MICAL3: variants seen among roughly 807,000 people sequenced by gnomAD.
MICAL3 encodes microtubule associated monooxygenase, calponin and LIM domain containing 3, also known as [F-actin]-monooxygenase MICAL3.
A neutral mutation model predicts 207.4 loss-of-function variants in MICAL3; 62 were observed. That is an observed-to-expected ratio of 0.30 (90% CI 0.24 to 0.37). MICAL3 has a LOEUF of 0.37. Among genes scored for constraint, MICAL3 ranks in the 10% least tolerant of loss-of-function variants. The probability of loss-of-function intolerance (pLI) is 1.00; values close to 1 mark genes in which losing one functional copy is unlikely to be tolerated. For missense variants in MICAL3, 2,368 were observed against 2,635.6 expected, an observed-to-expected ratio of 0.90 and a Z score of 2.22; for synonymous variants, 1,077 against 1,069.3, an observed-to-expected ratio of 1.01 and a Z score of -0.14.
In MICAL3 at chr22:18,011,529, T is replaced by G. The variant is rs144551399; in HGVS notation, c.-75+12752A>C. On this transcript the variant is annotated intron_variant, in intron 1 of 31. Coordinates refer to ENST00000441493, the MANE Select transcript of MICAL3 (RefSeq NM_015241.3). ...CTTGCAGTGAGCCGAGATCACGCCA[T>G]TGCACTCCAGCCTGGGCAACAAGAG... Among the ~76,000 whole-genome samples, 1,343 of 148,384 alleles carry G rather than the reference T, an allele frequency of 9.1e-3. 16 individuals are homozygous for G. The highest frequency in any genetic ancestry group is 0.031 in the African/African-American group (1,233 of 40,130).
intron 1 of MICAL3, among the ~76,000 whole-genome samples, chr22:17,984,692 A>T (rs1465775452): frequency 1.3e-5 from 2 of 152,230 alleles, no homozygotes; most frequent in Non-Finnish European, 2.9e-5. Context: ...GAGGAGATGG[A>T]CAATAAAAGC....
intron 1 of MICAL3, chr22:18,004,563 T>A: frequency 6.6e-6 from 1 of 152,262 alleles, no homozygotes; most frequent in East Asian, 1.9e-4. Context: ...GCCCGGCCAA[T>A]ATACATTTCT....
rs1376645769 is a variant in MICAL3, at chr22:17,861,198, T to C, written c.2605+3701A>G. 7 of 985,354 alleles carry C rather than the reference T, an allele frequency of 7.1e-6. No homozygotes were observed. In the East Asian group the frequency reaches 7.9e-4, roughly 112 times the overall value. 61.0% of individuals were successfully genotyped at this position (985,354 alleles called of 1,614,324 possible). Reference sequence around the variant, plus strand: ...TGGGAACCCTAGGGTTGAATGAAATTCTACTGCCTGGCTACCCTTCTAGCT... The same window carrying C: ...TGGGAACCCTAGGGTTGAATGAAATCCTACTGCCTGGCTACCCTTCTAGCT... On this transcript the variant is annotated intron_variant, in intron 19 of 31. Transcript: ENST00000441493.
At chr22:17,891,942 C>T (rs537668731) in intron 11 of MICAL3, among the ~76,000 whole-genome samples, 28 of 152,298 alleles carry the variant, frequency 1.8e-4, no homozygotes, top group African/African-American at 5.1e-4. Flanking sequence ...GGTGGAGGAG[C>T]GCCACCTACT....
intron 1 of MICAL3, among the ~76,000 whole-genome samples, chr22:17,950,201 A>G (rs2146356295): frequency 6.7e-6 from 1 of 148,918 alleles, no homozygotes; most frequent in East Asian, 1.9e-4. Context: ...TCGCTCTGTT[A>G]CCCAGGCTGG....
chr22:17,998,485 A>C (rs568639536), intron 1 of MICAL3, among the ~76,000 whole-genome samples: 1 of 152,002 alleles, frequency 6.6e-6, no homozygotes, highest in East Asian at 1.9e-4. Flanking sequence ...GTCATGAAAA[A>C]GCTTTCACTT....
chr22:17,914,239 T>C (rs1472568342), intron 1 of MICAL3, among the ~76,000 whole-genome samples: 2 of 151,238 alleles, frequency 1.3e-5, no homozygotes, highest in African/African-American at 2.4e-5. Context: ...CTCCACTCCA[T>C]CTGTTCTAGA....
chr22:17,808,617 G>A (rs565733023), intron 29 of MICAL3, among the ~76,000 whole-genome samples: 4 of 152,322 alleles, frequency 2.6e-5, no homozygotes, highest in South Asian at 2.1e-4. Context: ...TCACTCTATG[G>A]GAAATGGCAG....
chr22:17,995,491 ATT>A (rs138357470), intron 1 of MICAL3, among the ~76,000 whole-genome samples: 1,779 of 77,510 alleles, frequency 0.023, 16 homozygotes, highest in African/African-American at 0.027. Context: ...CTTTTCTTTA[ATT>A]TTTTTTTTTT....
chr22:17,907,326 A>G (rs1931810743), intron 1 of MICAL3, among the ~76,000 whole-genome samples: 1 of 152,224 alleles, frequency 6.6e-6, no homozygotes, highest in African/African-American at 2.4e-5. Context: ...AAAGTGACAA[A>G]GACAGGCCTG....
chr22:17,791,407 G>A (rs981893807), intron 29 of MICAL3, 106 bp from the exon 30 acceptor site: 32 of 990,924 alleles, frequency 3.2e-5, no homozygotes, highest in South Asian at 2.4e-4. Context: ...AGATGCTGCC[G>A]GAACTTCCAC....
At chr22:17,953,425 C>G (rs1191625563) in intron 1 of MICAL3, among the ~76,000 whole-genome samples, 5 of 152,072 alleles carry the variant, frequency 3.3e-5, no homozygotes, top group African/African-American at 7.2e-5. Flanking sequence ...CCAGGAGAAC[C>G]CTTCCCTGGG....
At chr22:18,014,886 G>A (rs1430354021) in intron 1 of MICAL3, among the ~76,000 whole-genome samples, 1 of 151,986 alleles carries the variant, frequency 6.6e-6, no homozygotes, top group Admixed American at 6.6e-5. Context: ...CCAGCTACTC[G>A]GGAGGCTGAG....
At chr22:17,844,449 T>G (rs1246904693) in intron 19 of MICAL3, among the ~76,000 whole-genome samples, 4 of 152,244 alleles carry the variant, frequency 2.6e-5, no homozygotes, top group African/African-American at 7.2e-5. Flanking sequence ...TTTGAACGTC[T>G]TTGTGGCAGC....
At chr22:17,837,349 G>A (rs1044619574) in intron 20 of MICAL3, among the ~76,000 whole-genome samples, 1 of 152,234 alleles carries the variant, frequency 6.6e-6, no homozygotes, top group African/African-American at 2.4e-5. Context: ...CTGACAGACA[G>A]CAACGCCTGC....
At position 17,791,031 on chromosome 22, in the gene MICAL3, G is replaced by A; in HGVS notation, c.5791C>T (p.Gln1931Ter). Residue 1931 changes from glutamine to a stop codon, truncating the protein, a stop_gained, in exon 31 of 32, where the codon CAG becomes TAG. Transcript: ENST00000441493. LOFTEE classifies it high-confidence loss of function. ...LELEDRQSRL[Q>*]QELRERMAVE... ...GCCATGCGTTCCCGGAGCTCCTGCT[G>A]CAGTCGACTCTGCCGGTCTTCCAGC... The A allele has an allele frequency of 6.2e-7, 1 of 1,612,254 alleles. No individual in the cohort carries two copies. Among genetic ancestry groups the A allele is most frequent in the East Asian group, 2.2e-5 (1 of 44,858 alleles).
chr22:17,902,254 C>A lies in MICAL3; in HGVS notation c.590-275G>T, dbSNP rs2075449. On this transcript the variant is annotated intron_variant, in intron 4 of 31. Transcript: ENST00000441493. The surrounding 1 kb of genome is among the most constrained non-coding windows in gnomAD (Gnocchi z 4.5). ...TCTCTACTAAAATACAAAAATTAGCCAGGCATGGTGACACATGCCTGTAAT... is the reference window on the plus strand; with the variant it reads ...TCTCTACTAAAATACAAAAATTAGCAAGGCATGGTGACACATGCCTGTAAT... Among the ~76,000 whole-genome samples the A allele has an allele frequency of 0.036, 5,417 of 152,248 alleles. 273 individuals are homozygous for A. The highest frequency in any genetic ancestry group is 0.19 in the East Asian group (958 of 5,170).
chr22:17,997,141 G>A (rs1464502754), intron 1 of MICAL3, among the ~76,000 whole-genome samples: 2 of 137,392 alleles, frequency 1.5e-5, no homozygotes, highest in East Asian at 4.5e-4. Context: ...TCAGCTCACT[G>A]CAACCTCGGC....
In MICAL3 at chr22:17,818,304, G is replaced by C; in HGVS notation, c.4357C>G (p.Leu1453Val). 1 of 1,542,550 alleles carries C rather than the reference G, an allele frequency of 6.5e-7. No homozygotes were observed. The highest frequency in any genetic ancestry group is 8.7e-7 in the Non-Finnish European group (1 of 1,150,514). ...QSFNTSDSAMLTPPSSPPPPP... is the reference protein window; with the variant it reads ...QSFNTSDSAMVTPPSSPPPPP... The stretch of plus-strand genomic sequence containing the variant: ...GGGGGCGGGCTGGAGGGGGGCGTGA[G>C]CATGGCGGAGTCCGAGGTGTTGAAG... Residue 1453 changes from leucine (L) to valine (V), a missense_variant, in exon 26 of 32, where the codon CTC (leucine) becomes GTC (valine). This residue lies in a region of MICAL3 where 1,770 missense variants were observed against 1,863.2 expected (regional missense o/e 0.95). Transcript: ENST00000441493.
Sources: allele counts gnomAD v4.1 joint callset (sites outside exome capture counted in the v4.1 genomes callset), GRCh38; gene constraint gnomAD v4.1.1; regional missense constraint gnomAD v4.1.1; non-coding constraint Gnocchi (gnomAD v3.1); transcripts MANE v1.5; gene names NCBI Gene and HGNC (gene_info 2026-07-23, HGNC 2026-07-21).